ABCG4: variants seen among roughly 807,000 people sequenced by gnomAD.
ABCG4 encodes the protein ATP binding cassette subfamily G member 4.
Under a neutral mutation model 64.6 loss-of-function variants are expected in ABCG4, and 35 were observed. That is an observed-to-expected ratio of 0.54 (90% confidence interval 0.41 to 0.72). The LOEUF is 0.72. ABCG4 is among the 30% of genes least tolerant of loss of function. The probability of loss-of-function intolerance (pLI) is 0.00; values close to 1 mark genes in which losing one functional copy is unlikely to be tolerated. For missense variants in ABCG4, 610 were observed against 846.3 expected (o/e 0.72, Z 3.46); for synonymous variants, 326 against 348.2 (o/e 0.94, Z 0.71).
chr11:119,161,357 T>G lies in ABCG4; in HGVS notation c.*251T>G. On this transcript the variant is annotated 3_prime_UTR_variant, in exon 15 of 15. Coordinates refer to ENST00000619701, the MANE Select transcript of ABCG4 (RefSeq NM_022169.5). ...GCGGTTTGTAGCTTCCTCCCTACTC[T>G]CTCCAACACCTGCATGCAAAGACTA... The G allele has an allele frequency of 2.2e-6, 1 of 448,622 alleles. No homozygotes were observed. The highest frequency in any genetic ancestry group is 2.8e-5 in the South Asian group (1 of 36,262). The allele number at this position is 448,622 out of a possible 1,614,324, so 27.8% of individuals were successfully genotyped here.
rs1035247717 is a variant in ABCG4 at position 119,156,324 on chromosome 11, G to C, written c.687-5G>C. 6.2e-7 allele frequency: 1 copy of C among 1,614,054 alleles called. No homozygotes were observed. The highest frequency in any genetic ancestry group is 8.5e-7 in the Non-Finnish European group (1 of 1,180,042). ...GTGGCCCCCTGGTGGCCTCTCTCTG[G>C]ACAGTGGTCTGGATAGCGCCTCTTG... On this transcript the variant is annotated splice_polypyrimidine_tract_variant and splice_region_variant and intron_variant, in intron 6 of 14. Coordinates refer to ENST00000619701, the MANE Select transcript of ABCG4 (RefSeq NM_022169.5). The surrounding 1 kb of genome is among the most constrained non-coding windows in gnomAD (Gnocchi z 5.5).
Position 119,154,844 on chromosome 11 carries a change from G to A in ABCG4, c.615G>A (p.Gln205=), listed in dbSNP as rs1295805854. ...HTRTALLSGG[Q]RKRLAIALEL... ...GGACAGCCCTGCTCTCTGGCGGGCA[G>A]AGGAAGCGTCTGGCCATCGCCCTGG... is the stretch of plus-strand genomic sequence containing the variant. Residue 205 remains glutamine (Q), a synonymous_variant, in exon 6 of 15, where the codon CAG becomes CAA. Transcript: ENST00000619701. The surrounding 1 kb of genome is among the most constrained non-coding windows in gnomAD (Gnocchi z 7.0). 1.2e-6 allele frequency: 2 copies of A among 1,614,100 alleles called. No individual in the cohort carries two copies. Among genetic ancestry groups the A allele is most frequent in the Admixed American group, 1.7e-5 (1 of 60,022 alleles).
rs1344858494 is a variant in ABCG4, at chr11:119,158,445, C to T, written c.1168-112C>T. The T allele has an allele frequency of 6.5e-7, 1 of 1,548,234 alleles. No homozygotes were observed. Among genetic ancestry groups the T allele is most frequent in the Non-Finnish European group, 8.9e-7 (1 of 1,121,262 alleles). Reference sequence around the variant, plus strand: ...CCCTCCCTCACAGCCCTGCAATGTGCCTGTGGGGTCTCTGTGCCTGTGAGG... The same window carrying T: ...CCCTCCCTCACAGCCCTGCAATGTGTCTGTGGGGTCTCTGTGCCTGTGAGG... On this transcript the variant is annotated intron_variant, in intron 10 of 14. Transcript: ENST00000619701. This position sits in a 1 kb window ranked among gnomAD's most constrained non-coding sequence, Gnocchi z 4.5.
At position 119,156,600 on chromosome 11, in the gene ABCG4, G is replaced by T. The variant is rs753076717; in HGVS notation, c.847G>T (p.Gly283Cys). Residue 283 changes from glycine to cysteine, a missense_variant, in exon 8 of 15, where the codon GGC (glycine) becomes TGC (cysteine). Coordinates refer to ENST00000619701, the MANE Select transcript of ABCG4 (RefSeq NM_022169.5). This position sits in a 1 kb window ranked among gnomAD's most constrained non-coding sequence, Gnocchi z 5.5. ...ILSQGQCIFK[G>C]VVTNLIPYLK... The stretch of plus-strand genomic sequence containing the variant: ...GAGCCAGGGTCAGTGCATCTTCAAA[G>T]GCGTGGTCACCAACCTGATCCCCTA... 6.2e-7 allele frequency: 1 copy of T among 1,614,144 alleles called. No individual in the cohort carries two copies. The highest frequency in any genetic ancestry group is 8.5e-7 in the Non-Finnish European group (1 of 1,180,030).
chr11:119,156,460 T>C lies in ABCG4; in HGVS notation c.810+8T>C, dbSNP rs766975905. ...TTTGAGATGTTTGACAAGGTGAGTGTCTCCAGGCCTCAAGGAGGATTGGCC... is the reference window on the plus strand; with the variant it reads ...TTTGAGATGTTTGACAAGGTGAGTGCCTCCAGGCCTCAAGGAGGATTGGCC... On this transcript the variant is annotated splice_region_variant and intron_variant, in intron 7 of 14. Coordinates refer to ENST00000619701, the MANE Select transcript of ABCG4 (RefSeq NM_022169.5). This position sits in a 1 kb window ranked among gnomAD's most constrained non-coding sequence, Gnocchi z 5.5. 17 of 1,613,950 alleles carry C rather than the reference T, an allele frequency of 1.1e-5. No homozygotes were observed. Among genetic ancestry groups the C allele is most frequent in the Admixed American group, 6.7e-5 (4 of 59,980 alleles).
rs1221030678 is a variant in ABCG4, at chr11:119,160,069, C to T, written c.1438-158C>T. On this transcript the variant is annotated intron_variant, in intron 12 of 14. Transcript: ENST00000619701. The surrounding 1 kb of genome is among the most constrained non-coding windows in gnomAD (Gnocchi z 4.6). ...GTCATATGGCCAGGGAGGAAGGGGA[C>T]GTGTGTCAATCTGGGGGACAGCTTG... Among the ~76,000 whole-genome samples the T allele has an allele frequency of 3.3e-5, 5 of 151,646 alleles. No individual in the cohort carries two copies. The highest frequency in any genetic ancestry group is 7.3e-5 in the African/African-American group (3 of 41,236).
In ABCG4 at chr11:119,156,011, A is replaced by G. The variant is rs1167404757; in HGVS notation, c.687-318A>G. The G allele has an allele frequency of 1.5e-5, 5 of 331,224 alleles. No individual in the cohort carries two copies. The highest frequency in any genetic ancestry group is 2.9e-5 in the Non-Finnish European group (5 of 173,370). 20.5% of individuals were successfully genotyped at this position (331,224 alleles called of 1,614,324 possible). ...CTCTTTCACCCAGTGTTGCTACAGC[A>G]CTTTCCACATTACCCAAAATCATCT... On this transcript the variant is annotated intron_variant, in intron 6 of 14. Coordinates refer to ENST00000619701, the MANE Select transcript of ABCG4 (RefSeq NM_022169.5). The surrounding 1 kb of genome is among the most constrained non-coding windows in gnomAD (Gnocchi z 5.5).
intron 9 of ABCG4, among the ~76,000 whole-genome samples, chr11:119,157,513 AG>A (rs1342047483): frequency 6.6e-6 from 1 of 152,232 alleles, no homozygotes; most frequent in Non-Finnish European, 1.5e-5. Flanking sequence ...CAGATTGATT[AG>A]TTTTTGTTGT....
intron 12 of ABCG4, 100 bp downstream of exon 12, chr11:119,159,029 G>T: frequency 8.5e-7 from 1 of 1,183,090 alleles, no homozygotes; most frequent in Non-Finnish European, 1.2e-6. Context: ...TCCTTCCTTT[G>T]CTGTCCTTCT....
chr11:119,150,309 CTCTGTGGAAACACTAAAA>C lies in ABCG4; in HGVS notation c.238+111_238+128del. The C allele has an allele frequency of 2.1e-6, 3 of 1,460,474 alleles. No individual in the cohort carries two copies. Among genetic ancestry groups the C allele is most frequent in the Non-Finnish European group, 2.8e-6 (3 of 1,086,260 alleles). 90.5% of individuals were successfully genotyped at this position (1,460,474 alleles called of 1,614,324 possible). On this transcript the variant is annotated intron_variant, in intron 2 of 14. Coordinates refer to ENST00000619701, the MANE Select transcript of ABCG4 (RefSeq NM_022169.5). This position sits in a 1 kb window ranked among gnomAD's most constrained non-coding sequence, Gnocchi z 4.3. ...GTTCGGAAAGTCCTGCACCAGTGGGCTCTGTGGAAACACTAAAATCTGGGCCCCAGCCCGTTGCTCACT... is the reference window on the plus strand; with the variant it reads ...GTTCGGAAAGTCCTGCACCAGTGGGCTCTGGGCCCCAGCCCGTTGCTCACT...
rs1300511791 is a variant in ABCG4, at chr11:119,160,854, T to C, written c.1716-27T>C. ...GAGAGCAGGGACCCTGTGTGCTGTA[T>C]CCCATCTGATATCCCTGCCTGCCTA... On this transcript the variant is annotated intron_variant, in intron 14 of 14. Transcript: ENST00000619701. The surrounding 1 kb of genome is among the most constrained non-coding windows in gnomAD (Gnocchi z 4.6). The C allele has an allele frequency of 6.2e-7, 1 of 1,605,504 alleles. No individual in the cohort carries two copies.
chr11:119,154,621 T>C lies in ABCG4; in HGVS notation c.540+46T>C, dbSNP rs1281817989. ...GTGGGACCACTCCCTTTTGTGGTGC[T>C]GCTGAGCTCAAGGCCCCGAGCTGGG... On this transcript the variant is annotated intron_variant, in intron 5 of 14. Transcript: ENST00000619701. The surrounding 1 kb of genome is among the most constrained non-coding windows in gnomAD (Gnocchi z 7.0). 2 of 1,607,810 alleles carry C rather than the reference T, an allele frequency of 1.2e-6. No homozygotes were observed. Among genetic ancestry groups the C allele is most frequent in the Non-Finnish European group, 1.7e-6 (2 of 1,177,412 alleles).
At position 119,160,601 on chromosome 11, in the gene ABCG4, A is replaced by G. The variant is rs745931400; in HGVS notation, c.1660A>G (p.Ser554Gly). ...CCTCTTGTTCTCCGGCTTCTTTGTC[A>G]GCTTCAAGACCATCCCCACTTACCT... ...PVLLFSGFFV[S>G]FKTIPTYLQW... The change falls in exon 14 of 15, where the codon AGC becomes GGC. Residue 554 changes from serine (S) to glycine (G), a missense_variant. By Grantham distance (56) the Ser-to-Gly change is moderately conservative (BLOSUM62 0). Transcript: ENST00000619701. The surrounding 1 kb of genome is among the most constrained non-coding windows in gnomAD (Gnocchi z 4.6). 12 of 1,613,424 alleles carry G rather than the reference A, an allele frequency of 7.4e-6. No individual in the cohort carries two copies. In the East Asian group the frequency reaches 2.2e-4, roughly 30 times the overall value.
Position 119,150,743 on chromosome 11 carries a change from C to G in ABCG4, c.238+540C>G, listed in dbSNP as rs1391497326. Among the ~76,000 whole-genome samples, 1 of 152,206 alleles carries G rather than the reference C, an allele frequency of 6.6e-6. No individual in the cohort carries two copies. The highest frequency in any genetic ancestry group is 1.5e-5 in the Non-Finnish European group (1 of 68,038). ...GTTGAGTAACTTGACCAATGTCACACAGCTAGTAAGTGGTAGAGCTGAGAC... is the reference window on the plus strand; with the variant it reads ...GTTGAGTAACTTGACCAATGTCACAGAGCTAGTAAGTGGTAGAGCTGAGAC... On this transcript the variant is annotated intron_variant, in intron 2 of 14. Transcript: ENST00000619701. The surrounding 1 kb of genome is among the most constrained non-coding windows in gnomAD (Gnocchi z 4.3).
Position 119,160,835 on chromosome 11 carries a change from A to G in ABCG4, c.1716-46A>G. 1 of 1,582,978 alleles carries G rather than the reference A, an allele frequency of 6.3e-7. No homozygotes were observed. The highest frequency in any genetic ancestry group is 8.6e-7 in the Non-Finnish European group (1 of 1,156,082). ...GGCTCTGGCAGTTTTCTCAGAGAGC[A>G]GGGACCCTGTGTGCTGTATCCCATC... is the stretch of plus-strand genomic sequence containing the variant. On this transcript the variant is annotated intron_variant, in intron 14 of 14. Transcript: ENST00000619701. This position sits in a 1 kb window ranked among gnomAD's most constrained non-coding sequence, Gnocchi z 4.6.
At position 119,160,763 on chromosome 11, in the gene ABCG4, G is replaced by A; in HGVS notation, c.1715+107G>A. On this transcript the variant is annotated intron_variant, in intron 14 of 14. Coordinates refer to ENST00000619701, the MANE Select transcript of ABCG4 (RefSeq NM_022169.5). This position sits in a 1 kb window ranked among gnomAD's most constrained non-coding sequence, Gnocchi z 4.6. ...CTGCTGCCTGCCCCATTATCCTTTG[G>A]GCAGGGGCACCCTGGCTGCACCCCA... 1 of 1,494,274 alleles carries A rather than the reference G, an allele frequency of 6.7e-7. No homozygotes were observed. Among genetic ancestry groups the A allele is most frequent in the Non-Finnish European group, 9.3e-7 (1 of 1,079,226 alleles). The allele number at this position is 1,494,274 out of a possible 1,614,324, so 92.6% of individuals were successfully genotyped here. A position where few individuals can be genotyped will look rare whatever the true frequency, so the allele number is the denominator to read the frequency against.
rs757500047 is a variant in ABCG4 at position 119,156,718 on chromosome 11, T to C, written c.925+40T>C. 4.8e-5 allele frequency: 77 copies of C among 1,608,622 alleles called. No homozygotes were observed. Among genetic ancestry groups the C allele is most frequent in the Non-Finnish European group, 6.1e-5 (72 of 1,175,306 alleles). On this transcript the variant is annotated intron_variant, in intron 8 of 14. Coordinates refer to ENST00000619701, the MANE Select transcript of ABCG4 (RefSeq NM_022169.5). This position sits in a 1 kb window ranked among gnomAD's most constrained non-coding sequence, Gnocchi z 5.5. Reference sequence around the variant, plus strand: ...GTTGGTAGGGGCTGGGAAACAGCAGTGGGCCGAACCTGGGGTCTCTGGTCT... The same window carrying C: ...GTTGGTAGGGGCTGGGAAACAGCAGCGGGCCGAACCTGGGGTCTCTGGTCT...
chr11:119,160,119 A>G lies in ABCG4; in HGVS notation c.1438-108A>G. The G allele has an allele frequency of 8.1e-7, 1 of 1,235,890 alleles. No individual in the cohort carries two copies. Among genetic ancestry groups the G allele is most frequent in the Non-Finnish European group, 1.1e-6 (1 of 887,294 alleles). 76.6% of individuals were successfully genotyped at this position (1,235,890 alleles called of 1,614,324 possible). A position where few individuals can be genotyped will look rare whatever the true frequency, so the allele number is the denominator to read the frequency against. ...GAACAAGAATGTGGAGGCAGGATGGACACCCTGGGAATAGGTATTCTAGAG... is the reference window on the plus strand; with the variant it reads ...GAACAAGAATGTGGAGGCAGGATGGGCACCCTGGGAATAGGTATTCTAGAG... On this transcript the variant is annotated intron_variant, in intron 12 of 14. Coordinates refer to ENST00000619701, the MANE Select transcript of ABCG4 (RefSeq NM_022169.5). The surrounding 1 kb of genome is among the most constrained non-coding windows in gnomAD (Gnocchi z 4.6).
rs992740045 is a variant in ABCG4, at chr11:119,150,424, G to C, written c.238+221G>C. On this transcript the variant is annotated intron_variant, in intron 2 of 14. Coordinates refer to ENST00000619701, the MANE Select transcript of ABCG4 (RefSeq NM_022169.5). This position sits in a 1 kb window ranked among gnomAD's most constrained non-coding sequence, Gnocchi z 4.3. ...CACCATGGGATACTAGGTGCAATTGGTTATTGAAGCTGTATCTTCTAAAGA... is the reference window on the plus strand; with the variant it reads ...CACCATGGGATACTAGGTGCAATTGCTTATTGAAGCTGTATCTTCTAAAGA... Among the ~76,000 whole-genome samples, 18 of 152,162 alleles carry C rather than the reference G, an allele frequency of 1.2e-4. No individual in the cohort carries two copies. The highest frequency in any genetic ancestry group is 4.3e-4 in the African/African-American group (18 of 41,432).
Sources: allele counts gnomAD v4.1 joint callset (sites outside exome capture counted in the v4.1 genomes callset), GRCh38; gene constraint gnomAD v4.1.1; non-coding constraint Gnocchi (gnomAD v3.1); transcripts MANE v1.5; gene names NCBI Gene and HGNC (gene_info 2026-07-23, HGNC 2026-07-21).